The following SRFBP1 variants were observed in gnomAD, a reference collection of about 807,000 sequenced individuals.
SRFBP1 encodes serum response factor binding protein 1.
SRFBP1 carries 47 observed loss-of-function variants against 45.5 expected under a neutral mutation model. That is an observed-to-expected ratio of 1.03 (90% CI 0.82 to 1.32). The LOEUF (loss-of-function observed/expected upper bound fraction) is 1.32, where lower values mean the gene tolerates loss of function less well. Ranked by LOEUF, SRFBP1 falls within the 40% of genes most tolerant of loss-of-function variation. SRFBP1 has a pLI of 0.00. For missense variants in SRFBP1, 621 were observed against 484.6 expected, an observed-to-expected ratio of 1.28 and a Z score of -2.64; for synonymous variants, 203 against 166.3, an observed-to-expected ratio of 1.22 and a Z score of -1.70.
chr5:122,029,538 T>G (rs1215871508), downstream of SRFBP1, among the ~76,000 whole-genome samples: 1 of 152,170 alleles, frequency 6.6e-6, no homozygotes, highest in Non-Finnish European at 1.5e-5. Flanking sequence ...ATTTCCTTCC[T>G]CTAGTATTTT....
chr5:121,967,765 G>C (rs1752104105), intron 1 of SRFBP1, among the ~76,000 whole-genome samples: 1 of 152,154 alleles, frequency 6.6e-6, no homozygotes. Flanking sequence ...AGCCCGGGAG[G>C]GGGACGGAGG....
rs34226651 is a variant in SRFBP1 at position 122,074,124 on chromosome 5, A to C, written n.312-1191A>C. 3.7e-6 allele frequency: 6 copies of C among 1,614,028 alleles called. No individual in the cohort carries two copies. In the African/African-American group the frequency reaches 8.0e-5, roughly 22 times the overall value. ...CAGCCACTCTCCTCTGGGTGTTGGC[A>C]TCAAGCAGGTCATAGTGGCTAAACT... On this transcript the variant is annotated intron_variant and non_coding_transcript_variant, in intron 2 of 2. Coordinates refer to the SRFBP1 transcript ENST00000504881.
At chr5:122,070,624 G>A (rs747193598) in intron 2 of SRFBP1, 2 of 1,138,198 alleles carry the variant, frequency 1.8e-6, no homozygotes, top group Admixed American at 3.7e-5. Flanking sequence ...TAAAATTATG[G>A]TATGTGGTCA....
intron 2 of SRFBP1, among the ~76,000 whole-genome samples, chr5:122,047,709 C>T (rs1437675892): frequency 2.0e-5 from 3 of 152,056 alleles, no homozygotes; most frequent in African/African-American, 7.2e-5. Context: ...TGTTTGTATC[C>T]TCTTTTATTT....
downstream of SRFBP1, among the ~76,000 whole-genome samples, chr5:122,076,524 A>G (rs530128938): frequency 6.6e-6 from 1 of 152,332 alleles, no homozygotes; most frequent in East Asian, 1.9e-4. Flanking sequence ...TTAAGGGGGT[A>G]TTAACACACC....
chr5:121,964,522 C>G (rs903349295), intron 1 of SRFBP1, among the ~76,000 whole-genome samples: 6 of 152,116 alleles, frequency 3.9e-5, no homozygotes, highest in Non-Finnish European at 8.8e-5. Flanking sequence ...AGGACATGAA[C>G]TCATCATTTT....
chr5:121,963,880 AAG>A (rs1354147696), intron 1 of SRFBP1, among the ~76,000 whole-genome samples: 4 of 152,188 alleles, frequency 2.6e-5, no homozygotes, highest in Non-Finnish European at 2.9e-5. Context: ...CACAAAAGGA[AAG>A]AGAGATTTAT....
intron 1 of SRFBP1, among the ~76,000 whole-genome samples, chr5:121,965,797 C>T (rs933000012): frequency 2.0e-5 from 3 of 152,116 alleles, no homozygotes; most frequent in South Asian, 2.1e-4. Flanking sequence ...GCTGTTTTCA[C>T]GATATTGATT....
chr5:122,067,774 C>A (rs1280844054), intron 2 of SRFBP1, among the ~76,000 whole-genome samples: 2 of 152,116 alleles, frequency 1.3e-5, no homozygotes, highest in Non-Finnish European at 2.9e-5. Context: ...TTTCCTCCTG[C>A]CATGCAAGTT....
intron 7 of SRFBP1, among the ~76,000 whole-genome samples, chr5:122,024,080 T>A (rs1753418620): frequency 6.6e-6 from 1 of 152,232 alleles, no homozygotes; most frequent in Non-Finnish European, 1.5e-5. Flanking sequence ...CAAAGGCTTT[T>A]CTAAACCTTA....
chr5:122,007,328 G>T (rs1046821036), intron 4 of SRFBP1, among the ~76,000 whole-genome samples: 1 of 151,960 alleles, frequency 6.6e-6, no homozygotes, highest in African/African-American at 2.4e-5. Flanking sequence ...TGGACCCTGG[G>T]TCTGCTGGAG....
At chr5:121,998,215 C>A (rs530312770) in intron 4 of SRFBP1, among the ~76,000 whole-genome samples, 4 of 151,888 alleles carry the variant, frequency 2.6e-5, no homozygotes, top group African/African-American at 7.3e-5. Flanking sequence ...CACATGCACA[C>A]GTATGTTTAT....
intron 6 of SRFBP1, among the ~76,000 whole-genome samples, chr5:122,021,501 G>A (rs1477652324): frequency 6.6e-6 from 1 of 151,994 alleles, no homozygotes; most frequent in African/African-American, 2.4e-5. Context: ...AAAATGTGAT[G>A]TAAAAATTTT....
Position 122,027,422 on chromosome 5 carries a change from A to T in SRFBP1, c.*296A>T. 6 of 179,550 alleles carry T rather than the reference A, an allele frequency of 3.3e-5. No individual in the cohort carries two copies. Among genetic ancestry groups the T allele is most frequent in the East Asian group, 1.4e-4 (1 of 7,394 alleles). The allele number at this position is 179,550 out of a possible 1,614,324, so 11.1% of individuals were successfully genotyped here. A position where few individuals can be genotyped will look rare whatever the true frequency, so the allele number is the denominator to read the frequency against. ...AATGTTTGTTTTTGTATTTTTTTTT[A>T]AAGTAAATTCAACTTACGCTTATAT... On this transcript the variant is annotated 3_prime_UTR_variant, in exon 8 of 8. Transcript: ENST00000339397.
rs1348828920 is a variant in SRFBP1 at position 122,057,766 on chromosome 5, A to C, written n.312-17549A>C. Among the ~76,000 whole-genome samples the C allele has an allele frequency of 2.6e-5, 4 of 152,162 alleles. No individual in the cohort carries two copies. The East Asian group carries it at 7.7e-4, about 29-fold the overall frequency. The stretch of plus-strand genomic sequence containing the variant: ...GATGGATCAGACAGACAACATTGAC[A>C]TCAGAGGACTCAAGCAATCCTCCCA... On this transcript the variant is annotated intron_variant and non_coding_transcript_variant, in intron 2 of 2. Coordinates refer to the SRFBP1 transcript ENST00000504881.
intron 4 of SRFBP1, among the ~76,000 whole-genome samples, chr5:122,005,804 A>G (rs879719440): frequency 6.6e-6 from 1 of 152,084 alleles, no homozygotes; most frequent in Non-Finnish European, 1.5e-5. Flanking sequence ...TAAAAACTGT[A>G]TACTTTTATT....
At chr5:122,022,571 G>A (rs1753384200) in intron 7 of SRFBP1, among the ~76,000 whole-genome samples, 164 bp downstream of exon 7, 1 of 152,040 alleles carries the variant, frequency 6.6e-6, no homozygotes, top group African/African-American at 2.4e-5. Flanking sequence ...TTTGTTGTTG[G>A]TTTTCTTTTC....
At chr5:122,010,081 C>A (rs562796785) in intron 4 of SRFBP1, among the ~76,000 whole-genome samples, 1 of 152,266 alleles carries the variant, frequency 6.6e-6, no homozygotes, top group East Asian at 1.9e-4. Context: ...TCAGTTGTGT[C>A]ACATCACTAC....
chr5:122,033,958 G>T (rs1474755256), intron 2 of SRFBP1, among the ~76,000 whole-genome samples: 4 of 151,198 alleles, frequency 2.6e-5, no homozygotes, highest in African/African-American at 9.7e-5. Context: ...TGGGTAGCTG[G>T]GATTACAGGC....
Sources: allele counts gnomAD v4.1 joint callset (sites outside exome capture counted in the v4.1 genomes callset), GRCh38; gene constraint gnomAD v4.1.1; transcripts MANE v1.5; gene names NCBI Gene and HGNC (gene_info 2026-07-23, HGNC 2026-07-21).